MCU: variants seen among roughly 807,000 people sequenced by gnomAD.
MCU encodes the protein mitochondrial calcium uniporter, also known as calcium uniporter protein, mitochondrial.
Under a neutral mutation model 45.2 loss-of-function variants are expected in MCU, and 12 were observed. The ratio of observed to expected loss-of-function variants is 0.27; its 90% CI spans 0.17 to 0.43. The LOEUF (loss-of-function observed/expected upper bound fraction) is 0.43, where lower values mean the gene tolerates loss of function less well. Ranked by LOEUF, MCU falls within the 20% of genes least tolerant of loss-of-function variation. The pLI is 1.00. For missense variants in MCU, 324 were observed against 436.7 expected (o/e 0.74, Z 2.30); for synonymous variants, 160 against 165.1 (o/e 0.97, Z 0.24).
chr10:72,840,869 C>T (rs1251387835), intron 2 of MCU, among the ~76,000 whole-genome samples: 3 of 152,142 alleles, frequency 2.0e-5, no homozygotes, highest in Non-Finnish European at 4.4e-5. Context: ...CATCACAGAA[C>T]TCTTTTCTTG....
At chr10:72,787,482 T>C (rs1844091669) in intron 1 of MCU, among the ~76,000 whole-genome samples, 1 of 152,130 alleles carries the variant, frequency 6.6e-6, no homozygotes, top group African/African-American at 2.4e-5. Flanking sequence ...TTGGCCAGGC[T>C]GGTCTTGAAC....
rs1048695532 is a variant in MCU at position 72,840,188 on chromosome 10, T to A, written c.220+5760T>A. On this transcript the variant is annotated intron_variant, in intron 2 of 7. Transcript: ENST00000373053. Reference sequence around the variant, plus strand: ...TCAGTGTGACAGTCTCCCTACATCCTCCCCAACTTTGGTACAATCAATCTT... The same window carrying A: ...TCAGTGTGACAGTCTCCCTACATCCACCCCAACTTTGGTACAATCAATCTT... Among the ~76,000 whole-genome samples the A allele has an allele frequency of 7.2e-5, 11 of 152,274 alleles. No homozygotes were observed. In the South Asian group the frequency reaches 2.1e-3, roughly 29 times the overall value.
At chr10:72,871,278 TTGA>T (rs1186822942) in intron 5 of MCU, 96 bp from the exon 6 acceptor site, 3 of 1,038,020 alleles carry the variant, frequency 2.9e-6, no homozygotes, top group Non-Finnish European at 4.5e-6. Context: ...GACTTGTGTC[TTGA>T]TGATGAGCCC....
Position 72,705,818 on chromosome 10 carries a change from CA to C in MCU, c.150+13530del, listed in dbSNP as rs751510514. On this transcript the variant is annotated intron_variant, in intron 1 of 7. Coordinates refer to ENST00000373053, the MANE Select transcript of MCU (RefSeq NM_138357.3). ...GTCTGTAAGAGCAAAAACTCCGTCTCAAAAAAAAAAAAATTAGTCGGGTGTG... is the reference window on the plus strand; with the variant it reads ...GTCTGTAAGAGCAAAAACTCCGTCTCAAAAAAAAAAAATTAGTCGGGTGTG... Among the ~76,000 whole-genome samples, 414 of 129,218 alleles carry C rather than the reference CA, an allele frequency of 3.2e-3. 2 individuals carry two copies. The highest frequency in any genetic ancestry group is 0.03 in the East Asian group (134 of 4,418). The allele number at this position is 129,218 out of a possible 152,430, so 84.8% of individuals were successfully genotyped here. A position where few individuals can be genotyped will look rare whatever the true frequency, so the allele number is the denominator to read the frequency against.
intron 4 of MCU, among the ~76,000 whole-genome samples, chr10:72,862,161 T>G (rs540689885): frequency 3.9e-5 from 6 of 152,134 alleles, no homozygotes; most frequent in African/African-American, 1.4e-4. Context: ...TTTTGTATTT[T>G]TAGTAGAGAC....
At chr10:72,702,716 C>T (rs1842773172) in intron 1 of MCU, among the ~76,000 whole-genome samples, 1 of 152,182 alleles carries the variant, frequency 6.6e-6, no homozygotes, top group African/African-American at 2.4e-5. Context: ...AGTGGCTACG[C>T]CTGTAATCCC....
intron 1 of MCU, among the ~76,000 whole-genome samples, chr10:72,754,086 A>G (rs1217057952): frequency 1.3e-5 from 2 of 152,154 alleles, no homozygotes; most frequent in African/African-American, 4.8e-5. Context: ...TTCTGTTTGA[A>G]TTAGGAAAGT....
chr10:72,822,535 G>C (rs1487462637), intron 1 of MCU, among the ~76,000 whole-genome samples: 1 of 152,110 alleles, frequency 6.6e-6, no homozygotes, highest in Non-Finnish European at 1.5e-5. Flanking sequence ...ATGGGCAAAA[G>C]TTCTGAATAG....
chr10:72,754,721 C>T lies in MCU; in HGVS notation c.150+62420C>T, dbSNP rs191130747. On this transcript the variant is annotated intron_variant, in intron 1 of 7. Transcript: ENST00000373053. ...TCAGGTCATCCACCTGTCTTAGCCT[C>T]CCAAACTGCTGGGATTACAGGCATG... Among the ~76,000 whole-genome samples, 196 of 152,250 alleles carry T rather than the reference C, an allele frequency of 1.3e-3. 1 individual carries two copies. Among genetic ancestry groups the T allele is most frequent in the African/African-American group, 4.4e-3 (183 of 41,540 alleles).
intron 2 of MCU, among the ~76,000 whole-genome samples, chr10:72,858,442 G>A (rs1253976634): frequency 6.6e-6 from 1 of 152,178 alleles, no homozygotes; most frequent in African/African-American, 2.4e-5. Context: ...AAAAAAAAGG[G>A]GCAGTGTTGG....
chr10:72,837,927 G>T (rs1404485439), intron 2 of MCU, among the ~76,000 whole-genome samples: 1 of 150,914 alleles, frequency 6.6e-6, no homozygotes, highest in African/African-American at 2.4e-5. Context: ...CGCAATCTCG[G>T]CTCACTGCAA....
At chr10:72,692,526 G>A in intron 1 of MCU, 3 of 1,042,984 alleles carry the variant, frequency 2.9e-6, no homozygotes, top group Non-Finnish European at 3.5e-6. Context: ...GGGCGACGGC[G>A]GGGATGTTCC....
intron 1 of MCU, among the ~76,000 whole-genome samples, chr10:72,765,752 A>T (rs578077149): frequency 6.9e-6 from 1 of 144,404 alleles, no homozygotes; most frequent in South Asian, 2.2e-4. Flanking sequence ...TATGATCTAC[A>T]CTCTAGCCTG....
chr10:72,798,525 C>T (rs916390985), intron 1 of MCU, among the ~76,000 whole-genome samples: 5 of 151,990 alleles, frequency 3.3e-5, no homozygotes, highest in South Asian at 2.1e-4. Context: ...TTCCTGACCT[C>T]GTGATCCATC....
intron 1 of MCU, among the ~76,000 whole-genome samples, chr10:72,761,632 A>G (rs1221432857): frequency 6.6e-6 from 1 of 152,218 alleles, no homozygotes; most frequent in African/African-American, 2.4e-5. Flanking sequence ...ATGTTGATGT[A>G]AGACATTTAA....
Position 72,858,492 on chromosome 10 carries a change from A to AG in MCU, c.221-682dup, listed in dbSNP as rs1473902945. ...GATATCAGTGGTGGAGTCTTCTGAA[A>AG]GGGCTAGTTTCTCTTAAGCCCTTAG... On this transcript the variant is annotated intron_variant, in intron 2 of 7. Coordinates refer to ENST00000373053, the MANE Select transcript of MCU (RefSeq NM_138357.3). 5.9e-5 allele frequency among the ~76,000 whole-genome samples: 9 copies of AG among 152,172 alleles called. 1 individual carries two copies. The highest frequency in any genetic ancestry group is 3.9e-4 in the Admixed American group (6 of 15,274).
chr10:72,817,834 T>TCAGACAAA lies in MCU; in HGVS notation c.151-16525_151-16524insCAGACAAA, dbSNP rs1844649629. On this transcript the variant is annotated intron_variant, in intron 1 of 7. Transcript: ENST00000373053. Reference sequence around the variant, plus strand: ...AGTAAGTAGACAATACTAGAGCCTTTAATGGAGTTCAGTGACCCAGGGAGC... The same window carrying TCAGACAAA: ...AGTAAGTAGACAATACTAGAGCCTTTCAGACAAAAATGGAGTTCAGTGACCCAGGGAGC... Among the ~76,000 whole-genome samples the TCAGACAAA allele has an allele frequency of 2.6e-5, 4 of 152,362 alleles. No homozygotes were observed. In the South Asian group the frequency reaches 8.3e-4, roughly 32 times the overall value.
At chr10:72,841,997 AGTT>A (rs1053927398) in intron 2 of MCU, among the ~76,000 whole-genome samples, 2 of 152,216 alleles carry the variant, frequency 1.3e-5, no homozygotes, top group African/African-American at 2.4e-5. Flanking sequence ...AAGACCTTAT[AGTT>A]GTTGTTATGG....
At chr10:72,844,548 G>A (rs1372855785) in intron 2 of MCU, among the ~76,000 whole-genome samples, 1 of 152,066 alleles carries the variant, frequency 6.6e-6, no homozygotes, top group Non-Finnish European at 1.5e-5. Flanking sequence ...CAGCCTGGGT[G>A]ACAAGAATGC....
Sources: gnomAD v4.1 joint callset for allele counts (sites outside exome capture counted in the v4.1 genomes callset) on GRCh38, gnomAD v4.1.1 for gene constraint, MANE v1.5 for transcripts, NCBI Gene and HGNC (gene_info 2026-07-23, HGNC 2026-07-21) for gene names.